Variants in DGKG observed in about 807,000 individuals in gnomAD.
DGKG encodes the protein diacylglycerol kinase gamma, also known as DAG kinase gamma.
Under a neutral mutation model 105.3 loss-of-function variants are expected in DGKG, and 78 were observed. The ratio of observed to expected loss-of-function variants is 0.74; its 90% CI spans 0.62 to 0.89. The LOEUF (loss-of-function observed/expected upper bound fraction) is 0.89. Among genes scored for constraint, DGKG ranks in the 40% least tolerant of loss-of-function variants. DGKG has a pLI of 0.00. For missense variants in DGKG, 958 were observed against 1,020.1 expected, an observed-to-expected ratio of 0.94 and a Z score of 0.83; for synonymous variants, 346 against 367.1, an observed-to-expected ratio of 0.94 and a Z score of 0.66.
intron 1 of DGKG, among the ~76,000 whole-genome samples, chr3:186,339,720 G>A (rs1416119078): frequency 1.3e-5 from 2 of 152,116 alleles, no homozygotes; most frequent in Non-Finnish European, 2.9e-5. Context: ...GATATTGAAG[G>A]TTTCTCTGCT....
intron 24 of DGKG, among the ~76,000 whole-genome samples, chr3:186,154,731 G>A (rs547080524): frequency 2.0e-5 from 3 of 152,156 alleles, no homozygotes; most frequent in South Asian, 4.1e-4. Context: ...GGGAAGAAGT[G>A]TGGGATTTAT....
At chr3:186,308,165 C>A (rs568364666) in intron 2 of DGKG, among the ~76,000 whole-genome samples, 1 of 152,036 alleles carries the variant, frequency 6.6e-6, no homozygotes, top group Admixed American at 6.6e-5. Flanking sequence ...ATGGTGTTTT[C>A]GAAAATGCTG....
Position 186,203,940 on chromosome 3 carries a change from A to G in DGKG, c.1917+7855T>C, listed in dbSNP as rs760423637. On this transcript the variant is annotated intron_variant, in intron 21 of 24. Transcript: ENST00000265022. The surrounding 1 kb of genome is among the most constrained non-coding windows in gnomAD (Gnocchi z 4.9). ...CATATCAGGAGAGACCAAGACTTGA[A>G]GACCTCTTTCCCTCTAGTTTAAGAG... 1.3e-5 allele frequency among the ~76,000 whole-genome samples: 2 copies of G among 152,126 alleles called. No individual in the cohort carries two copies. The highest frequency in any genetic ancestry group is 2.9e-5 in the Non-Finnish European group (2 of 68,016).
At chr3:186,152,004 G>A (rs182238101) in intron 24 of DGKG, among the ~76,000 whole-genome samples, 168 of 152,192 alleles carry the variant, frequency 1.1e-3, no homozygotes, top group Middle Eastern at 3.4e-3. Context: ...ACTTGAACCC[G>A]GGAGGCGGAG....
intron 20 of DGKG, among the ~76,000 whole-genome samples, chr3:186,213,248 G>A (rs1412236103): frequency 1.3e-5 from 2 of 152,208 alleles, no homozygotes; most frequent in Non-Finnish European, 2.9e-5. Context: ...TAAGCAGACC[G>A]GTGCTTCTCA....
intron 2 of DGKG, among the ~76,000 whole-genome samples, chr3:186,313,914 T>C (rs1167586245): frequency 6.6e-6 from 1 of 152,054 alleles, no homozygotes; most frequent in African/African-American, 2.4e-5. Flanking sequence ...CAAGTCTCAC[T>C]CTACTGGCCA....
intron 19 of DGKG, among the ~76,000 whole-genome samples, chr3:186,243,344 G>A (rs938475597): frequency 2.6e-4 from 40 of 152,044 alleles, no homozygotes; most frequent in African/African-American, 9.4e-4. Flanking sequence ...CACACTAGCG[G>A]CCCCCTGCAC....
chr3:186,353,702 A>ATATCTATATC (rs1553825821), intron 1 of DGKG, among the ~76,000 whole-genome samples: 3,958 of 125,786 alleles, frequency 0.031, 80 homozygotes, highest in Non-Finnish European at 0.055. Flanking sequence ...ATCTATATCT[A>ATATCTATATC]TATAACAGTG....
At chr3:186,154,750 T>C (rs1009690732) in intron 24 of DGKG, among the ~76,000 whole-genome samples, 5 of 151,930 alleles carry the variant, frequency 3.3e-5, no homozygotes, top group Admixed American at 2.6e-4. Context: ...ATTGATGAGT[T>C]GGGAAGTTCA....
intron 1 of DGKG, among the ~76,000 whole-genome samples, chr3:186,321,061 G>T (rs1051746160): frequency 1.3e-5 from 2 of 152,218 alleles, no homozygotes; most frequent in African/African-American, 4.8e-5. Context: ...CTATGCAGCC[G>T]TTCTGTCCTG....
At chr3:186,299,497 A>G (rs1397537164) in intron 3 of DGKG, among the ~76,000 whole-genome samples, 1 of 152,234 alleles carries the variant, frequency 6.6e-6, no homozygotes, top group Non-Finnish European at 1.5e-5. Context: ...GAGTGAAGGA[A>G]GTCTGATTCA....
chr3:186,261,656 G>A (rs767868883), intron 15 of DGKG, 43 bp downstream of exon 15: 19 of 1,393,538 alleles, frequency 1.4e-5, no homozygotes, highest in Admixed American at 7.4e-5. Context: ...GGCCTGAGTC[G>A]TGTCGCCCTA....
chr3:186,286,757 G>A (rs1723089045), intron 6 of DGKG, among the ~76,000 whole-genome samples: 1 of 152,098 alleles, frequency 6.6e-6, no homozygotes, highest in South Asian at 2.1e-4. Flanking sequence ...TTGCAGGCCG[G>A]GTGCCATGGC....
At chr3:186,338,900 A>G (rs1578854384) in intron 1 of DGKG, among the ~76,000 whole-genome samples, 2 of 152,346 alleles carry the variant, frequency 1.3e-5, no homozygotes, top group Middle Eastern at 3.4e-3. Flanking sequence ...TGTGTAATGT[A>G]TGTGGGCTTA....
At chr3:186,312,893 C>T (rs1166322181) in intron 2 of DGKG, among the ~76,000 whole-genome samples, 2 of 152,208 alleles carry the variant, frequency 1.3e-5, no homozygotes, top group African/African-American at 2.4e-5. Flanking sequence ...TTCATAAGCA[C>T]GGATGTACTT....
At position 186,313,549 on chromosome 3, in the gene DGKG, A is replaced by G. The variant is rs138378527; in HGVS notation, c.68-6572T>C. 1.0e-3 allele frequency: 986 copies of G among 985,120 alleles called. 1 individual carries two copies. Among genetic ancestry groups the G allele is most frequent in the Middle Eastern group, 1.6e-3 (3 of 1,914 alleles). The allele number at this position is 985,120 out of a possible 1,614,324, so 61.0% of individuals were successfully genotyped here. ...AGGAATGGATCAGACAACTTGGACC[A>G]TCTTGCAACTAAAAGTGTGGTCCCT... is the stretch of plus-strand genomic sequence containing the variant. On this transcript the variant is annotated intron_variant, in intron 2 of 24. Coordinates refer to ENST00000265022, the MANE Select transcript of DGKG (RefSeq NM_001346.3).
rs927795518 is a variant in DGKG, at chr3:186,361,052, G to T, written c.-249+894C>A. ...GCGCTGCAGCAGACGCTCCCGCCGC[G>T]GGGGGCGACTGGGGGAGGGGTCTCG... On this transcript the variant is annotated intron_variant, in intron 1 of 24. Coordinates refer to ENST00000265022, the MANE Select transcript of DGKG (RefSeq NM_001346.3). The surrounding 1 kb of genome is among the most constrained non-coding windows in gnomAD (Gnocchi z 6.8). 6.6e-6 allele frequency among the ~76,000 whole-genome samples: 1 copy of T among 152,188 alleles called. No homozygotes were observed. The highest frequency in any genetic ancestry group is 1.5e-5 in the Non-Finnish European group (1 of 68,024).
rs181070847 is a variant in DGKG at position 186,324,086 on chromosome 3, G to A, written c.-248-3379C>T. Among the ~76,000 whole-genome samples, 469 of 140,082 alleles carry A rather than the reference G, an allele frequency of 3.3e-3. 2 individuals are homozygous for A. The highest frequency in any genetic ancestry group is 0.012 in the African/African-American group (448 of 36,410). 91.9% of individuals were successfully genotyped at this position (140,082 alleles called of 152,430 possible). ...TCACACCACTGCACTCCAGCCTGGC[G>A]ACAGAGTGAGAGTCTGTCAAAAAAA... On this transcript the variant is annotated intron_variant, in intron 1 of 24. Transcript: ENST00000265022.
intron 3 of DGKG, among the ~76,000 whole-genome samples, chr3:186,302,906 C>A (rs1724047533): frequency 6.6e-6 from 1 of 152,110 alleles, no homozygotes; most frequent in South Asian, 2.1e-4. Context: ...ACAGAATAAA[C>A]CCAGAAGCAC....
Sources: allele counts gnomAD v4.1 joint callset (sites outside exome capture counted in the v4.1 genomes callset), GRCh38; gene constraint gnomAD v4.1.1; non-coding constraint Gnocchi (gnomAD v3.1); transcripts MANE v1.5; gene names NCBI Gene and HGNC (gene_info 2026-07-23, HGNC 2026-07-21).